Variants in TOGARAM2 observed in about 807,000 individuals in gnomAD.
TOGARAM2 encodes the protein TOG array regulator of axonemal microtubules protein 2.
In TOGARAM2, 85 loss-of-function variants were observed where a neutral mutation model predicts 93.3. That is an observed-to-expected ratio of 0.91 (90% CI 0.76 to 1.09). The LOEUF (loss-of-function observed/expected upper bound fraction) is 1.09, where lower values mean the gene tolerates loss of function less well. TOGARAM2 is among the 50% of genes least tolerant of loss of function. The pLI, the probability that TOGARAM2 is intolerant of heterozygous loss-of-function variation, is 0.00. For synonymous variants in TOGARAM2, 593 were observed against 552.8 expected (o/e 1.07, Z -1.02); for missense variants, 1,277 against 1,334.5 (o/e 0.96, Z 0.67).
upstream of TOGARAM2, among the ~76,000 whole-genome samples, chr2:28,981,111 C>A (rs1398556783): frequency 1.3e-5 from 2 of 152,216 alleles, no homozygotes; most frequent in Non-Finnish European, 2.9e-5. Context: ...AGTCACCAGG[C>A]AGGGGGGCCC....
At position 29,002,729 on chromosome 2, in the gene TOGARAM2, G is replaced by A. The variant is rs1673381984; in HGVS notation, c.621G>A (p.Leu207=). The change falls in exon 5 of 20, where the codon TTG becomes TTA. Residue 207 remains leucine, a synonymous_variant. Coordinates refer to ENST00000379558, the MANE Select transcript of TOGARAM2 (RefSeq NM_199280.4). ...GGAGCATTCCGGGTCCTCACGAGTT[G>A]AGACCCGGTGCTCAGGAGGTAAGGT... The part of the protein sequence containing the change: ...LPGSIPGPHE[L]RPGAQEAQIS... The A allele has an allele frequency of 1.9e-6, 3 of 1,613,492 alleles. No homozygotes were observed. Among genetic ancestry groups the A allele is most frequent in the Non-Finnish European group, 1.7e-6 (2 of 1,179,748 alleles).
intron 10 of TOGARAM2, among the ~76,000 whole-genome samples, chr2:29,019,177 C>CTTT (rs61378143): frequency 0.013 from 1,594 of 121,636 alleles, 27 homozygotes; most frequent in African/African-American, 0.016. Context: ...CCAACTGACT[C>CTTT]TTTTTTTTTT....
chr2:29,035,783 T>C (rs1572768534), intron 17 of TOGARAM2, 127 bp downstream of exon 17: 2 of 949,004 alleles, frequency 2.1e-6, no homozygotes, highest in East Asian at 6.3e-5. Flanking sequence ...CTTTGTAACA[T>C]GGAGACTACC....
chr2:29,027,911 G>A (rs1665509487), intron 14 of TOGARAM2, among the ~76,000 whole-genome samples: 1 of 152,124 alleles, frequency 6.6e-6, no homozygotes, highest in Admixed American at 6.5e-5. Context: ...AGTGAGGGGT[G>A]GGGGTGAGGG....
chr2:29,003,676 G>C lies in TOGARAM2; in HGVS notation c.824G>C (p.Arg275Pro). Reference protein sequence around the residue: ...QGVLTGLRAPRTRLARGSGPR... With the variant: ...QGVLTGLRAPPTRLARGSGPR... ...GTCCTCACAGGCCTGAGGGCCCCAC[G>C]CACGCGGTAAGAGCTCCAAGTCAAA... Residue 275 changes from arginine to proline, a missense_variant, in exon 6 of 20, where the codon CGC (arginine) becomes CCC (proline). Transcript: ENST00000379558. 3 of 1,536,532 alleles carry C rather than the reference G, an allele frequency of 2.0e-6. No individual in the cohort carries two copies. Among genetic ancestry groups the C allele is most frequent in the Non-Finnish European group, 2.6e-6 (3 of 1,143,018 alleles).
intron 6 of TOGARAM2, among the ~76,000 whole-genome samples, chr2:29,005,096 A>G (rs540363099): frequency 8.7e-6 from 1 of 114,528 alleles, no homozygotes; most frequent in East Asian, 2.8e-4. Flanking sequence ...GTGTGAGTGC[A>G]TGTTGTGAGT....
chr2:28,974,450 G>T (rs1178020915), intron 1 of TOGARAM2, among the ~76,000 whole-genome samples: 1 of 151,984 alleles, frequency 6.6e-6, no homozygotes, highest in Non-Finnish European at 1.5e-5. Flanking sequence ...TGGCTTCTTG[G>T]ATCTGTAGAT....
At chr2:28,991,985 C>T (rs1451552406) in intron 1 of TOGARAM2, among the ~76,000 whole-genome samples, 3 of 152,134 alleles carry the variant, frequency 2.0e-5, no homozygotes, top group Admixed American at 2.0e-4. Flanking sequence ...AGGACAAGAT[C>T]CTGGTCACCA....
chr2:29,005,798 ATGAGTGCATGTGTG>A (rs1391898894), intron 6 of TOGARAM2, among the ~76,000 whole-genome samples: 62 of 98,620 alleles, frequency 6.3e-4, no homozygotes, highest in Non-Finnish European at 2.0e-4. Context: ...GTGCATGTGT[ATGAGTGCATGTGTG>A]TGAGTGCATG....
At chr2:28,967,648 G>T (rs558939421) in intron 1 of TOGARAM2, among the ~76,000 whole-genome samples, 2 of 152,204 alleles carry the variant, frequency 1.3e-5, no homozygotes, top group East Asian at 3.9e-4. Context: ...TATTGAAAAA[G>T]CACTGATTAG....
intron 1 of TOGARAM2, chr2:28,970,796 T>C (rs1027699877): frequency 6.6e-6 from 1 of 152,218 alleles, no homozygotes; most frequent in Admixed American, 6.5e-5. Flanking sequence ...AGTGCACTCT[T>C]TCTATTCATT....
At chr2:29,005,474 TGTGCATGTGTGCATGTGTGTGA>T (rs1461684484) in intron 6 of TOGARAM2, among the ~76,000 whole-genome samples, 1 of 7,434 alleles carries the variant, frequency 1.3e-4, no homozygotes, top group East Asian at 5.0e-3. Context: ...ACTGCATGTG[TGTGCATGTGTGCATGTGTGTGA>T]GTGCATGTGT....
chr2:29,030,461 GA>G (rs554937593), intron 14 of TOGARAM2, among the ~76,000 whole-genome samples: 43 of 145,384 alleles, frequency 3.0e-4, no homozygotes, highest in South Asian at 6.5e-4. Context: ...GCCATGCAAC[GA>G]AAAAAAAAAG....
rs1447335391 is a variant in TOGARAM2, at chr2:29,032,838, ACT to A, written c.2013-91_2013-90del. 6 of 989,980 alleles carry A rather than the reference ACT, an allele frequency of 6.1e-6. No homozygotes were observed. The East Asian group carries it at 1.1e-4, about 17-fold the overall frequency. 61.3% of individuals were successfully genotyped at this position (989,980 alleles called of 1,614,324 possible). On this transcript the variant is annotated intron_variant, in intron 14 of 19. Coordinates refer to ENST00000379558, the MANE Select transcript of TOGARAM2 (RefSeq NM_199280.4). ...TTTGTAATTAGAAAAAGTATTAAAAACTCTCTTTAATTAGGAAGATTATGTAA... is the reference window on the plus strand; with the variant it reads ...TTTGTAATTAGAAAAAGTATTAAAAACTCTTTAATTAGGAAGATTATGTAA...
Position 29,051,933 on chromosome 2 carries a change from G to T in TOGARAM2, c.2900G>T (p.Arg967Leu), listed in dbSNP as rs200413260. ...SRSLQEHMGS[R>L]LLDFAASQPK... ...AGCCTCCAGGAGCACATGGGCTCCC[G>T]CCTGCTGGACTTTGCCGCCAGCCAG... Residue 967 changes from arginine (R) to leucine (L), a missense_variant, in exon 20 of 20, where the codon CGC (arginine) becomes CTC (leucine). By Grantham distance (102) the Arg-to-Leu change is moderately radical. Coordinates refer to ENST00000379558, the MANE Select transcript of TOGARAM2 (RefSeq NM_199280.4). 1.4e-5 allele frequency: 23 copies of T among 1,602,470 alleles called. No individual in the cohort carries two copies. In the South Asian group the frequency reaches 2.6e-4, roughly 18 times the overall value.
At chr2:28,978,424 T>C (rs1339456244), upstream of TOGARAM2, among the ~76,000 whole-genome samples, 1 of 152,154 alleles carries the variant, frequency 6.6e-6, no homozygotes, top group Non-Finnish European at 1.5e-5. Flanking sequence ...ATGGGAAGTG[T>C]GTTCAGGGTA....
intron 1 of TOGARAM2, chr2:28,972,459 A>T (rs1489844279): frequency 2.6e-5 from 4 of 152,180 alleles, no homozygotes; most frequent in Non-Finnish European, 5.9e-5. Flanking sequence ...AAAGAGGAGG[A>T]CGAGTTTTAT....
At position 29,035,498 on chromosome 2, in the gene TOGARAM2, C is replaced by A; in HGVS notation, c.2260C>A (p.Arg754Ser). Residue 754 changes from arginine to serine, a missense_variant, in exon 17 of 20, where the codon CGC becomes AGC. Coordinates refer to ENST00000379558, the MANE Select transcript of TOGARAM2 (RefSeq NM_199280.4). ...CAATGGCCCAAGGCTGGTGGGGCTGCGCTCCACACTGCAGGGCCGCGGGGA... is the reference window on the plus strand; with the variant it reads ...CAATGGCCCAAGGCTGGTGGGGCTGAGCTCCACACTGCAGGGCCGCGGGGA... ...SCNGPRLVGL[R>S]STLQGRGEMV... 6.7e-7 allele frequency: 1 copy of A among 1,496,202 alleles called. No homozygotes were observed. The highest frequency in any genetic ancestry group is 1.4e-5 in the South Asian group (1 of 72,576). The allele number at this position is 1,496,202 out of a possible 1,614,324, so 92.7% of individuals were successfully genotyped here. A position where few individuals can be genotyped will look rare whatever the true frequency, so the allele number is the denominator to read the frequency against.
intron 19 of TOGARAM2, chr2:29,051,258 C>T (rs1264391399): frequency 6.6e-6 from 1 of 152,354 alleles, no homozygotes; most frequent in Non-Finnish European, 1.5e-5. Context: ...CAGGTAGGCA[C>T]TTTATGTATA....
Sources: allele counts gnomAD v4.1 joint callset (sites outside exome capture counted in the v4.1 genomes callset), GRCh38; gene constraint gnomAD v4.1.1; transcripts MANE v1.5; gene names NCBI Gene and HGNC (gene_info 2026-07-23, HGNC 2026-07-21).